The following ENTREP2 variants were observed in gnomAD, a reference collection of about 807,000 sequenced individuals.
ENTREP2 encodes the protein protein ENTREP2.
At chr15:29,583,452 C>T in the ENTREP2 span, among the ~76,000 whole-genome samples, 1 of 152,036 alleles carries the variant, frequency 6.6e-6, no homozygotes, top group Non-Finnish European at 1.5e-5. Flanking sequence ...AACACATGGA[C>T]ACAGGGAGGG....
chr15:29,458,353 A>C, the ENTREP2 span, among the ~76,000 whole-genome samples: 1 of 152,174 alleles, frequency 6.6e-6, no homozygotes, highest in East Asian at 1.9e-4. Flanking sequence ...TCAAATGTTT[A>C]TCTCTTCCTG....
chr15:29,632,233 C>T, the ENTREP2 span, among the ~76,000 whole-genome samples: 929 of 152,296 alleles, frequency 6.1e-3, 10 homozygotes, highest in African/African-American at 0.021. Context: ...CTGCCTGCCT[C>T]TTTTTACTTT....
the ENTREP2 span, among the ~76,000 whole-genome samples, chr15:29,159,323 G>A: frequency 1.3e-5 from 2 of 152,156 alleles, no homozygotes; most frequent in East Asian, 1.9e-4. Context: ...CAGGAGTGAA[G>A]CTGCAGACCT....
chr15:29,136,222 G>C, the ENTREP2 span: 1 of 808,310 alleles, frequency 1.2e-6, no homozygotes, highest in Non-Finnish European at 1.8e-6. Flanking sequence ...TGCATCCGGG[G>C]GCCTCGGCAC....
the ENTREP2 span, among the ~76,000 whole-genome samples, chr15:29,168,294 C>T: frequency 2.6e-5 from 4 of 152,022 alleles, no homozygotes; most frequent in Non-Finnish European, 5.9e-5. Flanking sequence ...CTCATGTAAC[C>T]AAATACCACC....
the ENTREP2 span, among the ~76,000 whole-genome samples, chr15:29,430,925 C>T: frequency 1.3e-5 from 2 of 152,164 alleles, no homozygotes; most frequent in African/African-American, 2.4e-5. Context: ...ACTGACACGG[C>T]TCCGGTGAGC....
At chr15:29,639,280 C>G in the ENTREP2 span, among the ~76,000 whole-genome samples, 1 of 152,132 alleles carries the variant, frequency 6.6e-6, no homozygotes, top group African/African-American at 2.4e-5. Context: ...AGTCTTGACT[C>G]AATCTGAAAG....
the ENTREP2 span, among the ~76,000 whole-genome samples, chr15:29,307,395 G>T: frequency 1.3e-5 from 2 of 152,162 alleles, no homozygotes; most frequent in African/African-American, 4.8e-5. Context: ...GAAAGATGAA[G>T]AACTTGCTAG....
the ENTREP2 span, among the ~76,000 whole-genome samples, chr15:29,588,090 A>G: frequency 6.6e-6 from 1 of 152,210 alleles, no homozygotes; most frequent in Non-Finnish European, 1.5e-5. Context: ...AACATTGAAA[A>G]AAGACATGAA....
At chr15:29,651,352 A>G in the ENTREP2 span, among the ~76,000 whole-genome samples, 1 of 152,220 alleles carries the variant, frequency 6.6e-6, no homozygotes. Context: ...AAAGACACCA[A>G]TTGGAAATAT....
At chr15:29,319,340 A>G in the ENTREP2 span, among the ~76,000 whole-genome samples, 1 of 152,226 alleles carries the variant, frequency 6.6e-6, no homozygotes. Context: ...AAGCTCAGAC[A>G]GCCCCAGTTT....
the ENTREP2 span, among the ~76,000 whole-genome samples, chr15:29,431,984 G>GC: frequency 5.9e-5 from 9 of 152,278 alleles, no homozygotes; most frequent in Admixed American, 4.6e-4. Flanking sequence ...TTGATAGTTA[G>GC]CAAAACCAGG....
At chr15:29,606,347 G>A in the ENTREP2 span, among the ~76,000 whole-genome samples, 1 of 150,698 alleles carries the variant, frequency 6.6e-6, no homozygotes, top group African/African-American at 2.5e-5. Context: ...TGATTATCCT[G>A]CCTCAGCCTC....
the ENTREP2 span, among the ~76,000 whole-genome samples, chr15:29,353,929 C>A: frequency 2.6e-5 from 4 of 152,168 alleles, no homozygotes; most frequent in African/African-American, 9.7e-5. Flanking sequence ...AGAAAGATCA[C>A]CTTCTGTGAT....
At chr15:29,214,324 T>C in the ENTREP2 span, among the ~76,000 whole-genome samples, 2 of 152,000 alleles carry the variant, frequency 1.3e-5, no homozygotes, top group Non-Finnish European at 2.9e-5. Context: ...ATTAAGAAAA[T>C]GTGGCACATA....
the ENTREP2 span, among the ~76,000 whole-genome samples, chr15:29,168,434 C>T: frequency 2.0e-5 from 3 of 152,242 alleles, no homozygotes; most frequent in Non-Finnish European, 4.4e-5. Context: ...GCACAATCAG[C>T]GTGTGTGTGT....
At chr15:29,407,389 C>A in the ENTREP2 span, among the ~76,000 whole-genome samples, 1 of 152,162 alleles carries the variant, frequency 6.6e-6, no homozygotes, top group Non-Finnish European at 1.5e-5. Context: ...GTATATCTAT[C>A]AAAAATTCAT....
the ENTREP2 span, among the ~76,000 whole-genome samples, chr15:29,245,773 A>T: frequency 6.6e-6 from 1 of 152,234 alleles, no homozygotes; most frequent in Non-Finnish European, 1.5e-5. Flanking sequence ...TGAAAATTAC[A>T]TAATAAAATT....
At chr15:29,657,087 C>T in the ENTREP2 span, among the ~76,000 whole-genome samples, 113 of 152,110 alleles carry the variant, frequency 7.4e-4, 1 homozygote, top group Non-Finnish European at 4.7e-4. Context: ...TCCCGCTGTT[C>T]CTCACGCCAG....
Sources: gnomAD v4.1 joint callset for allele counts (sites outside exome capture counted in the v4.1 genomes callset) on GRCh38, gnomAD v4.1.1 for gene constraint, MANE v1.5 for transcripts, NCBI Gene and HGNC (gene_info 2026-07-23, HGNC 2026-07-21) for gene names.